The following RBFOX1 variants were observed in gnomAD, a reference collection of about 807,000 sequenced individuals.
The protein encoded by RBFOX1 is RNA binding protein fox-1 homolog 1.
Under a neutral mutation model 57.7 loss-of-function variants are expected in RBFOX1, and 8 were observed. The ratio of observed to expected loss-of-function variants is 0.14; its 90% CI spans 0.08 to 0.25. RBFOX1 has a LOEUF of 0.25. RBFOX1 is among the 10% of genes least tolerant of loss of function. The pLI, the probability that RBFOX1 is intolerant of heterozygous loss-of-function variation, is 1.00. For missense variants in RBFOX1, 611 were observed against 548.5 expected, an observed-to-expected ratio of 1.11 and a Z score of -1.14; for synonymous variants, 326 against 222.4, an observed-to-expected ratio of 1.47 and a Z score of -4.15.
chr16:6,599,624 A>G (rs1200089515), intron 2 of RBFOX1, among the ~76,000 whole-genome samples: 1 of 152,150 alleles, frequency 6.6e-6, no homozygotes, highest in Non-Finnish European at 1.5e-5. Context: ...TAATCTTTTT[A>G]TTCCTTTACT....
intron 1 of RBFOX1, among the ~76,000 whole-genome samples, chr16:5,268,576 G>T (rs977208575): frequency 1.3e-5 from 2 of 152,212 alleles, no homozygotes; most frequent in Non-Finnish European, 2.9e-5. Flanking sequence ...GGAGCAGAGG[G>T]TGATTTTTTT....
chr16:6,793,253 T>C (rs1039972552), intron 3 of RBFOX1, among the ~76,000 whole-genome samples: 1 of 152,182 alleles, frequency 6.6e-6, no homozygotes, highest in African/African-American at 2.4e-5. Context: ...AGTAGACCGA[T>C]TGGAGGAGAA....
Position 7,371,826 on chromosome 16 carries a change from CAAAA to C in RBFOX1, c.28-146317_28-146314del, listed in dbSNP as rs1198943945. Reference sequence around the variant, plus strand: ...GATATATGTTGTTTTCACATACTGACAAAAAAAGCCACATCAGTCTAAATGCCCT... The same window carrying C: ...GATATATGTTGTTTTCACATACTGACAAAGCCACATCAGTCTAAATGCCCT... On this transcript the variant is annotated intron_variant, in intron 4 of 15. Transcript: ENST00000550418. Among the ~76,000 whole-genome samples, 6 of 152,222 alleles carry C rather than the reference CAAAA, an allele frequency of 3.9e-5. No individual in the cohort carries two copies. The East Asian group carries it at 7.7e-4, about 20-fold the overall frequency.
intron 3 of RBFOX1, among the ~76,000 whole-genome samples, chr16:5,629,128 C>T (rs945903738): frequency 6.6e-6 from 1 of 152,054 alleles, no homozygotes; most frequent in Non-Finnish European, 1.5e-5. Context: ...CTATTTTACT[C>T]TTCATTTTCC....
At chr16:5,326,084 A>G (rs965183385) in intron 1 of RBFOX1, among the ~76,000 whole-genome samples, 1 of 151,988 alleles carries the variant, frequency 6.6e-6, no homozygotes, top group Non-Finnish European at 1.5e-5. Context: ...ACAGCAGTGT[A>G]TGAGAGTTCC....
chr16:6,921,143 C>G (rs945615644), intron 3 of RBFOX1, among the ~76,000 whole-genome samples: 9 of 152,286 alleles, frequency 5.9e-5, no homozygotes, highest in Admixed American at 3.3e-4. Context: ...GCTGCCATCT[C>G]TTCATTTAGG....
chr16:7,264,365 T>G (rs772887522), intron 4 of RBFOX1, among the ~76,000 whole-genome samples: 1 of 152,280 alleles, frequency 6.6e-6, no homozygotes, highest in Non-Finnish European at 1.5e-5. Context: ...TATGAGAAAC[T>G]CAGAAGGTGC....
chr16:6,330,224 A>C (rs1239144880), intron 2 of RBFOX1, among the ~76,000 whole-genome samples: 1 of 152,166 alleles, frequency 6.6e-6, no homozygotes, highest in African/African-American at 2.4e-5. Flanking sequence ...GTTCAAAAAT[A>C]CCTTATTATT....
chr16:6,806,836 A>ATATATATATATATATATTT (rs754342591), intron 3 of RBFOX1, among the ~76,000 whole-genome samples: 22 of 91,868 alleles, frequency 2.4e-4, no homozygotes, highest in South Asian at 4.0e-4. Flanking sequence ...ATATATATAT[A>ATATATATATATATATATTT]TTTTTTTTTT....
Position 6,908,462 on chromosome 16 carries a change from T to G in RBFOX1, c.-15-143595T>G, listed in dbSNP as rs138736136. 1.7e-4 allele frequency among the ~76,000 whole-genome samples: 26 copies of G among 152,252 alleles called. No homozygotes were observed. In the East Asian group the frequency reaches 4.3e-3, roughly 25 times the overall value. Reference sequence around the variant, plus strand: ...GCCTCTGGTGTGACCTCTTCTAGACTTTCTCCCCAGCATGCCCAATCCTCT... The same window carrying G: ...GCCTCTGGTGTGACCTCTTCTAGACGTTCTCCCCAGCATGCCCAATCCTCT... On this transcript the variant is annotated intron_variant, in intron 3 of 15. Coordinates refer to ENST00000550418, the MANE Select transcript of RBFOX1 (RefSeq NM_018723.4).
At chr16:6,883,521 A>G (rs998891936) in intron 3 of RBFOX1, among the ~76,000 whole-genome samples, 13 of 152,218 alleles carry the variant, frequency 8.5e-5, no homozygotes, top group Admixed American at 8.5e-4. Context: ...CTTGTTGTGT[A>G]AAGGGATCTT....
At chr16:5,643,587 C>T (rs1182563573) in intron 3 of RBFOX1, among the ~76,000 whole-genome samples, 5 of 152,124 alleles carry the variant, frequency 3.3e-5, no homozygotes, top group South Asian at 2.1e-4. Flanking sequence ...TTGTCAGAAC[C>T]GCAGAGTCAT....
chr16:7,330,306 G>C (rs7198744), intron 4 of RBFOX1, among the ~76,000 whole-genome samples: 5,338 of 150,762 alleles, frequency 0.035, 339 homozygotes, highest in African/African-American at 0.12. Flanking sequence ...TGTAAATGCT[G>C]TGTAAATCAT....
intron 2 of RBFOX1, among the ~76,000 whole-genome samples, chr16:6,636,836 AATATATAAT>A (rs1412304403): frequency 0.047 from 2,851 of 60,856 alleles, 121 homozygotes; most frequent in African/African-American, 0.13. Flanking sequence ...TGTTATATAT[AATATATAAT>A]ATATATAATA....
At chr16:6,076,621 C>T (rs1304917399) in intron 1 of RBFOX1, among the ~76,000 whole-genome samples, 1 of 146,536 alleles carries the variant, frequency 6.8e-6, no homozygotes, top group African/African-American at 2.5e-5. Context: ...CCTTAGGACT[C>T]TTAACCTGGG....
At chr16:5,469,747 A>G (rs540586456) in intron 2 of RBFOX1, among the ~76,000 whole-genome samples, 1 of 152,340 alleles carries the variant, frequency 6.6e-6, no homozygotes, top group East Asian at 1.9e-4. Flanking sequence ...TTTTATATAA[A>G]TGGAATTGTA....
intron 4 of RBFOX1, among the ~76,000 whole-genome samples, chr16:7,390,045 A>G (rs946131671): frequency 1.3e-5 from 2 of 152,142 alleles, no homozygotes; most frequent in African/African-American, 2.4e-5. Context: ...AGAAGGTGAA[A>G]ACGAAGCAAG....
intron 1 of RBFOX1, chr16:5,467,189 TCTCTCTC>T (rs2151610582): frequency 6.8e-7 from 1 of 1,463,434 alleles, no homozygotes; most frequent in Admixed American, 2.1e-5. Flanking sequence ...TCTCTCTCTC[TCTCTCTC>T]TTTTTTTTTT....
chr16:7,515,016 G>C (rs995664203), intron 4 of RBFOX1, among the ~76,000 whole-genome samples: 1 of 152,164 alleles, frequency 6.6e-6, no homozygotes, highest in Admixed American at 6.5e-5. Flanking sequence ...GTTTACACAA[G>C]TCTACCTTTC....
Sources: allele counts gnomAD v4.1 joint callset (sites outside exome capture counted in the v4.1 genomes callset), GRCh38; gene constraint gnomAD v4.1.1; transcripts MANE v1.5; gene names NCBI Gene and HGNC (gene_info 2026-07-23, HGNC 2026-07-21).